Variants in MTSS1 observed in about 807,000 individuals in gnomAD.
The protein encoded by MTSS1 is MTSS I-BAR domain containing 1.
A neutral mutation model predicts 79.0 loss-of-function variants in MTSS1; 18 were observed. The ratio of observed to expected loss-of-function variants is 0.23; its 90% CI spans 0.16 to 0.34. MTSS1 has a LOEUF of 0.34. Ranked by LOEUF, MTSS1 falls within the 10% of genes least tolerant of loss-of-function variation. The pLI is 1.00. For synonymous variants in MTSS1, 341 were observed against 368.6 expected, an observed-to-expected ratio of 0.93 and a Z score of 0.86; for missense variants, 815 against 986.2, an observed-to-expected ratio of 0.83 and a Z score of 2.33.
At chr8:124,648,714 C>CCCCG (rs1554694567) in intron 3 of MTSS1, among the ~76,000 whole-genome samples, 6 of 151,860 alleles carry the variant, frequency 4.0e-5, no homozygotes, top group African/African-American at 9.7e-5. Flanking sequence ...TAGCAGCCCC[C>CCCCG]CCCCAGATAC....
At chr8:124,649,668 C>T (rs1819606110) in intron 3 of MTSS1, among the ~76,000 whole-genome samples, 1 of 152,038 alleles carries the variant, frequency 6.6e-6, no homozygotes, top group Non-Finnish European at 1.5e-5. Flanking sequence ...AATGTGAATC[C>T]CTGCAATACT....
chr8:124,664,507 G>C (rs903954399), intron 3 of MTSS1, among the ~76,000 whole-genome samples: 1 of 152,130 alleles, frequency 6.6e-6, no homozygotes, highest in Non-Finnish European at 1.5e-5. Context: ...CACAAGATTA[G>C]AAGCCACACT....
chr8:124,607,609 G>C (rs1282045792), intron 3 of MTSS1, among the ~76,000 whole-genome samples: 2 of 152,182 alleles, frequency 1.3e-5, no homozygotes, highest in Non-Finnish European at 2.9e-5. Context: ...AAGTGCCCTT[G>C]AGTCCCTACA....
At chr8:124,675,540 C>T (rs1204060771) in intron 3 of MTSS1, among the ~76,000 whole-genome samples, 5 of 152,316 alleles carry the variant, frequency 3.3e-5, no homozygotes, top group East Asian at 1.9e-4. Flanking sequence ...TTGAAGTGAA[C>T]GATTCAGAAG....
chr8:124,610,667 A>T (rs2133259232), intron 3 of MTSS1, among the ~76,000 whole-genome samples: 1 of 152,324 alleles, frequency 6.6e-6, no homozygotes, highest in Middle Eastern at 3.4e-3. Context: ...CCAGGACCAG[A>T]GAACTTGCTC....
chr8:124,645,449 T>C (rs1029180419), intron 3 of MTSS1, among the ~76,000 whole-genome samples: 5 of 152,144 alleles, frequency 3.3e-5, no homozygotes, highest in African/African-American at 1.2e-4. Context: ...CAATGAATGT[T>C]GGGTGGCTAG....
intron 3 of MTSS1, among the ~76,000 whole-genome samples, chr8:124,647,502 C>T (rs553658478): frequency 6.6e-6 from 1 of 152,200 alleles, no homozygotes; most frequent in South Asian, 2.1e-4. Flanking sequence ...TTATTAACCA[C>T]AGTCACCATG....
At chr8:124,623,792 A>C (rs1814089699) in intron 3 of MTSS1, among the ~76,000 whole-genome samples, 1 of 152,068 alleles carries the variant, frequency 6.6e-6, no homozygotes, top group Non-Finnish European at 1.5e-5. Context: ...GGCCCACACC[A>C]CCACACCCGA....
intron 2 of MTSS1, among the ~76,000 whole-genome samples, chr8:124,701,254 A>G (rs1829657011): frequency 6.6e-6 from 1 of 152,150 alleles, no homozygotes; most frequent in Non-Finnish European, 1.5e-5. Context: ...AAGAGAAAAG[A>G]AAAAAGAAAG....
chr8:124,714,992 C>A (rs1587955961), intron 1 of MTSS1, among the ~76,000 whole-genome samples: 1 of 152,194 alleles, frequency 6.6e-6, no homozygotes, highest in Admixed American at 6.5e-5. Context: ...TGTGTTTATT[C>A]CTGTCTATAA....
intron 6 of MTSS1, chr8:124,577,619 G>C (rs757713759): frequency 3.9e-6 from 2 of 518,896 alleles, no homozygotes; most frequent in South Asian, 2.8e-5. Flanking sequence ...TAGGTCTAAG[G>C]GTAAAATTCT....
chr8:124,619,635 G>T (rs2133495643), intron 3 of MTSS1, among the ~76,000 whole-genome samples: 1 of 152,160 alleles, frequency 6.6e-6, no homozygotes, highest in Non-Finnish European at 1.5e-5. Flanking sequence ...GAACACAAAT[G>T]AACCTGCACA....
chr8:124,657,779 C>A (rs1169008554), intron 3 of MTSS1, among the ~76,000 whole-genome samples: 1 of 152,170 alleles, frequency 6.6e-6, no homozygotes. Context: ...GCTCACATAC[C>A]CATTATTGGC....
rs185878102 is a variant in MTSS1 at position 124,550,927 on chromosome 8, A to G, written c.*2065T>C. On this transcript the variant is annotated 3_prime_UTR_variant, in exon 14 of 14. Transcript: ENST00000518547. ...GAGAGGTCAACTCTCAGTACAAACT[A>G]GCAACTAAAGCACAATAATTTACTG... 1.3e-5 allele frequency: 2 copies of G among 152,816 alleles called. No homozygotes were observed. The highest frequency in any genetic ancestry group is 4.8e-5 in the African/African-American group (2 of 41,594). The allele number at this position is 152,816 out of a possible 1,614,324, so 9.5% of individuals were successfully genotyped here.
chr8:124,564,687 T>TCACACACACACACACACACACACACACA (rs372411002), intron 9 of MTSS1: 2 of 47,344 alleles, frequency 4.2e-5, no homozygotes, highest in Non-Finnish European at 1.1e-4. Context: ...GGTCTCTCTT[T>TCACACACACACACACACACACACACACA]CACTCACACA....
intron 6 of MTSS1, among the ~76,000 whole-genome samples, chr8:124,581,460 TTA>T (rs68110014): frequency 0.14 from 20,361 of 146,066 alleles, 1,424 homozygotes; most frequent in East Asian, 0.23. Flanking sequence ...CAGAATTTTT[TTA>T]TTTTTTTTTT....
chr8:124,637,240 CTAGACTT>C (rs1817180610), intron 3 of MTSS1, among the ~76,000 whole-genome samples: 2 of 152,196 alleles, frequency 1.3e-5, no homozygotes, highest in African/African-American at 4.8e-5. Context: ...AATAAGATGG[CTAGACTT>C]TAAAGTGAAC....
intron 3 of MTSS1, among the ~76,000 whole-genome samples, chr8:124,690,383 G>C (rs1183977741): frequency 6.6e-6 from 1 of 152,218 alleles, no homozygotes; most frequent in Non-Finnish European, 1.5e-5. Context: ...GTGGAATTCT[G>C]ATATCCCTCA....
chr8:124,709,646 G>C (rs995960152), intron 1 of MTSS1, among the ~76,000 whole-genome samples: 2 of 150,736 alleles, frequency 1.3e-5, no homozygotes, highest in African/African-American at 4.8e-5. Context: ...TTCTAAGAAA[G>C]GAAAAGGTCC....
Sources: allele counts gnomAD v4.1 joint callset (sites outside exome capture counted in the v4.1 genomes callset), GRCh38; gene constraint gnomAD v4.1.1; transcripts MANE v1.5; gene names NCBI Gene and HGNC (gene_info 2026-07-23, HGNC 2026-07-21).